The following DIS3L2 variants were observed in gnomAD, a reference collection of about 807,000 sequenced individuals.
DIS3L2 encodes DIS3 like 3'-5' exoribonuclease 2.
In DIS3L2, 34 loss-of-function variants were observed where a neutral mutation model predicts 97.5. The ratio of observed to expected loss-of-function variants is 0.35; its 90% CI spans 0.27 to 0.46. The LOEUF is 0.46. Among genes scored for constraint, DIS3L2 ranks in the 20% least tolerant of loss-of-function variants. The pLI is 1.00. For synonymous variants in DIS3L2, 435 were observed against 445.2 expected (o/e 0.98, Z 0.29); for missense variants, 1,038 against 1,146.0 (o/e 0.91, Z 1.36).
chr2:232,038,953 G>A (rs1168127486), intron 5 of DIS3L2, among the ~76,000 whole-genome samples: 2 of 152,160 alleles, frequency 1.3e-5, no homozygotes, highest in South Asian at 2.1e-4. Context: ...TCTACAAACT[G>A]TTATCTGTTT....
chr2:232,109,437 T>C (rs1454624084), intron 6 of DIS3L2, among the ~76,000 whole-genome samples: 1 of 151,684 alleles, frequency 6.6e-6, no homozygotes. Flanking sequence ...CGAGACTCAG[T>C]CTCAAAAAGA....
intron 9 of DIS3L2, among the ~76,000 whole-genome samples, chr2:232,203,668 TAA>T (rs1330854893): frequency 6.6e-6 from 1 of 152,202 alleles, no homozygotes; most frequent in East Asian, 1.9e-4. Flanking sequence ...GTCACAGCGA[TAA>T]GACATGTCCA....
intron 5 of DIS3L2, among the ~76,000 whole-genome samples, chr2:232,046,286 C>T (rs73098594): frequency 0.013 from 2,014 of 152,186 alleles, 52 homozygotes; most frequent in African/African-American, 0.046. Context: ...TGTGGTTTTC[C>T]TTTTGGGGTA....
intron 14 of DIS3L2, among the ~76,000 whole-genome samples, chr2:232,306,906 G>A (rs1472317868): frequency 6.6e-6 from 1 of 152,232 alleles, no homozygotes; most frequent in Non-Finnish European, 1.5e-5. Context: ...CGTACAACGT[G>A]TCCCTGTTGT....
Position 232,195,491 on chromosome 2 carries a change from A to G in DIS3L2, c.1125-14835A>G, listed in dbSNP as rs529743745. 1.2e-4 allele frequency among the ~76,000 whole-genome samples: 18 copies of G among 148,152 alleles called. 1 individual carries two copies. The East Asian group carries it at 3.4e-3, about 28-fold the overall frequency. On this transcript the variant is annotated intron_variant, in intron 9 of 20. Transcript: ENST00000325385. ...GGAATGCTGGTTGGTTGGGTTGGGG[A>G]TGAAATCATAGGGAGTTGAAGCTGT...
chr2:232,244,348 T>C (rs1456131818), intron 11 of DIS3L2, among the ~76,000 whole-genome samples: 1 of 151,914 alleles, frequency 6.6e-6, no homozygotes, highest in Non-Finnish European at 1.5e-5. Flanking sequence ...TTTGGTGGTT[T>C]TGAGGGAGGG....
chr2:232,298,314 A>G (rs1694769721), intron 13 of DIS3L2, among the ~76,000 whole-genome samples: 1 of 152,228 alleles, frequency 6.6e-6, no homozygotes. Flanking sequence ...TAAATCACTG[A>G]GTCAAATCAT....
chr2:232,338,077 TGGA>T (rs1405863662), downstream of DIS3L2, among the ~76,000 whole-genome samples: 9 of 151,348 alleles, frequency 5.9e-5, no homozygotes, highest in South Asian at 2.1e-4. Flanking sequence ...GGTGTTGGGG[TGGA>T]GAAGGCTGTG....
intron 16 of DIS3L2, chr2:232,331,887 G>A (rs1165307021): frequency 6.6e-6 from 1 of 152,292 alleles, no homozygotes; most frequent in Non-Finnish European, 1.5e-5. Context: ...GGAGCTCAGA[G>A]GTGCCCTTGC....
chr2:232,017,337 G>A (rs1694384658), intron 3 of DIS3L2, among the ~76,000 whole-genome samples: 1 of 152,124 alleles, frequency 6.6e-6, no homozygotes, highest in Non-Finnish European at 1.5e-5. Flanking sequence ...GACCTCAAGT[G>A]ATCCTCCTGC....
chr2:232,069,445 CTT>C lies in DIS3L2; in HGVS notation c.367-18039_367-18038del, dbSNP rs764316117. Among the ~76,000 whole-genome samples the C allele has an allele frequency of 2.0e-5, 3 of 152,234 alleles. No individual in the cohort carries two copies. In the East Asian group the frequency reaches 5.8e-4, roughly 29 times the overall value. ...TATGAATAAAAATACAGAGACTTGT[CTT>C]TTAAAATGATCCTACTTGAGCATTT... On this transcript the variant is annotated intron_variant, in intron 5 of 20. Transcript: ENST00000325385.
intron 5 of DIS3L2, among the ~76,000 whole-genome samples, chr2:232,059,737 G>T (rs953856528): frequency 6.6e-6 from 1 of 152,056 alleles, no homozygotes; most frequent in African/African-American, 2.4e-5. Context: ...TGTGGTATTT[G>T]GTTTTTTGTT....
At chr2:232,106,806 A>G (rs1697369211) in intron 6 of DIS3L2, among the ~76,000 whole-genome samples, 1 of 152,252 alleles carries the variant, frequency 6.6e-6, no homozygotes, top group African/African-American at 2.4e-5. Flanking sequence ...AATATACATT[A>G]TTCTTATTGC....
In DIS3L2 at chr2:232,130,676, A is replaced by C. The variant is rs760490430; in HGVS notation, c.659A>C (p.Asp220Ala). 6.2e-7 allele frequency: 1 copy of C among 1,614,002 alleles called. No homozygotes were observed. The highest frequency in any genetic ancestry group is 1.3e-5 in the African/African-American group (1 of 75,044). ...TKDETTCISQ[D>A]TRALSEKSLQ... is the part of the protein sequence containing the mutation. ...GATGAGACCACCTGCATTTCACAAG[A>C]CACAAGAGCTTTATCGGAGAAATCC... The change falls in exon 7 of 21, where the codon GAC (aspartate) becomes GCC (alanine). Residue 220 changes from aspartate to alanine, a missense_variant. By Grantham distance (126) the Asp-to-Ala change is moderately radical. This residue lies in a region of DIS3L2 where 813 missense variants were observed against 880.1 expected (regional missense o/e 0.92). Coordinates refer to ENST00000325385, the MANE Select transcript of DIS3L2 (RefSeq NM_152383.5).
intron 1 of DIS3L2, among the ~76,000 whole-genome samples, chr2:231,972,777 C>T (rs2106166442): frequency 6.6e-6 from 1 of 152,284 alleles, no homozygotes; most frequent in East Asian, 1.9e-4. Flanking sequence ...CTCCTGAGCT[C>T]AGGTGATCTG....
chr2:232,299,976 TCAGC>T, intron 13 of DIS3L2, 60 bp from the exon 14 acceptor site: 1 of 1,492,314 alleles, frequency 6.7e-7, no homozygotes, highest in Non-Finnish European at 9.3e-7. Context: ...TTTTTTCATT[TCAGC>T]TATTGGAATG....
At chr2:232,162,948 C>T (rs1690696851) in intron 8 of DIS3L2, among the ~76,000 whole-genome samples, 1 of 152,076 alleles carries the variant, frequency 6.6e-6, no homozygotes, top group South Asian at 2.1e-4. Flanking sequence ...TTTTAATTTT[C>T]TTCTCAGTGG....
chr2:232,176,604 T>C (rs1691163562), intron 9 of DIS3L2, among the ~76,000 whole-genome samples: 1 of 151,716 alleles, frequency 6.6e-6, no homozygotes, highest in Non-Finnish European at 1.5e-5. Context: ...TGTTTTTTTC[T>C]TGAGATGGGA....
intron 1 of DIS3L2, among the ~76,000 whole-genome samples, chr2:231,962,304 G>T (rs1252471326): frequency 6.6e-6 from 1 of 151,886 alleles, no homozygotes; most frequent in African/African-American, 2.4e-5. Context: ...TTTAGATATG[G>T]GGGATACGCA....
Sources: allele counts gnomAD v4.1 joint callset (sites outside exome capture counted in the v4.1 genomes callset), GRCh38; gene constraint gnomAD v4.1.1; regional missense constraint gnomAD v4.1.1; transcripts MANE v1.5; gene names NCBI Gene and HGNC (gene_info 2026-07-23, HGNC 2026-07-21).